The following MACROD2 variants were observed in gnomAD, a reference collection of about 807,000 sequenced individuals.
MACROD2 encodes mono-ADP ribosylhydrolase 2.
In MACROD2, 36 loss-of-function variants were observed where a neutral mutation model predicts 70.4. That is an observed-to-expected ratio of 0.51 (90% CI 0.39 to 0.68). The LOEUF (loss-of-function observed/expected upper bound fraction) is 0.68. MACROD2 is among the 30% of genes least tolerant of loss of function. MACROD2 has a pLI of 0.00. For missense variants in MACROD2, 496 were observed against 538.4 expected (o/e 0.92, Z 0.78); for synonymous variants, 172 against 178.8 (o/e 0.96, Z 0.30).
At chr20:14,933,977 T>C (rs975119363) in intron 5 of MACROD2, 4 of 152,160 alleles carry the variant, frequency 2.6e-5, no homozygotes, top group Non-Finnish European at 5.9e-5. Context: ...TTTTTTACTT[T>C]ACAGTTAAGA....
At chr20:14,852,099 A>C (rs1299032056) in intron 5 of MACROD2, among the ~76,000 whole-genome samples, 1 of 152,152 alleles carries the variant, frequency 6.6e-6, no homozygotes, top group Non-Finnish European at 1.5e-5. Flanking sequence ...AGAGCATCTG[A>C]AAGTGAGCCC....
chr20:15,449,119 G>A (rs1438569945), intron 7 of MACROD2, among the ~76,000 whole-genome samples: 8 of 152,080 alleles, frequency 5.3e-5, no homozygotes, highest in Admixed American at 5.2e-4. Context: ...AGAAAACTGG[G>A]GACCATGTGG....
At chr20:14,769,198 T>C (rs2072132660) in intron 5 of MACROD2, among the ~76,000 whole-genome samples, 1 of 152,118 alleles carries the variant, frequency 6.6e-6, no homozygotes, top group Non-Finnish European at 1.5e-5. Context: ...TCATCCTTCA[T>C]GTAACATTAA....
At chr20:15,245,235 T>C (rs148079370) in intron 6 of MACROD2, among the ~76,000 whole-genome samples, 1 of 152,374 alleles carries the variant, frequency 6.6e-6, no homozygotes, top group Non-Finnish European at 1.5e-5. Context: ...AGGTTAATGG[T>C]TGATTTCTTT....
chr20:14,136,342 G>A (rs1601264012), intron 3 of MACROD2, among the ~76,000 whole-genome samples: 2 of 152,108 alleles, frequency 1.3e-5, no homozygotes, highest in Admixed American at 6.5e-5. Flanking sequence ...AGTGGTTCAC[G>A]CCTGTAATCC....
intron 5 of MACROD2, among the ~76,000 whole-genome samples, chr20:14,970,111 T>C (rs1033397839): frequency 5.3e-5 from 8 of 152,108 alleles, no homozygotes; most frequent in Non-Finnish European, 1.2e-4. Context: ...CTCAGGAAAC[T>C]TACAATCATA....
chr20:15,188,823 A>G (rs1431252680), intron 5 of MACROD2, among the ~76,000 whole-genome samples: 1 of 152,180 alleles, frequency 6.6e-6, no homozygotes, highest in Non-Finnish European at 1.5e-5. Context: ...CCCCTAAAAT[A>G]GTAAGAACTT....
At chr20:14,676,324 C>T (rs1189633402) in intron 4 of MACROD2, among the ~76,000 whole-genome samples, 1 of 152,150 alleles carries the variant, frequency 6.6e-6, no homozygotes, top group Non-Finnish European at 1.5e-5. Flanking sequence ...AAGTAAAATA[C>T]TCCTCAGCAA....
chr20:15,577,338 G>A (rs1363789665), intron 8 of MACROD2, among the ~76,000 whole-genome samples: 5 of 151,826 alleles, frequency 3.3e-5, no homozygotes, highest in Admixed American at 2.6e-4. Flanking sequence ...CCCACCCTGC[G>A]CTGAGTATTT....
intron 6 of MACROD2, among the ~76,000 whole-genome samples, chr20:15,344,902 A>G (rs1160730716): frequency 2.0e-5 from 3 of 152,192 alleles, no homozygotes; most frequent in Non-Finnish European, 4.4e-5. Context: ...TGCTGTAACA[A>G]ACTACCATGA....
intron 8 of MACROD2, among the ~76,000 whole-genome samples, chr20:15,654,215 G>A (rs2049691831): frequency 6.6e-6 from 1 of 152,188 alleles, no homozygotes; most frequent in South Asian, 2.1e-4. Flanking sequence ...AACCTGAAAA[G>A]TCAAGAGCAT....
intron 8 of MACROD2, among the ~76,000 whole-genome samples, chr20:15,802,916 G>A (rs1458295909): frequency 6.6e-6 from 1 of 152,082 alleles, no homozygotes; most frequent in Non-Finnish European, 1.5e-5. Flanking sequence ...GGAAAACCCA[G>A]AGGAAATGGA....
chr20:15,519,509 T>C (rs1016581512), intron 8 of MACROD2, among the ~76,000 whole-genome samples: 2 of 152,214 alleles, frequency 1.3e-5, no homozygotes, highest in African/African-American at 2.4e-5. Context: ...AGTGTGAGAA[T>C]TTCTGTAAAA....
At chr20:15,806,596 T>G (rs560487954) in intron 8 of MACROD2, among the ~76,000 whole-genome samples, 3 of 152,138 alleles carry the variant, frequency 2.0e-5, no homozygotes, top group Non-Finnish European at 4.4e-5. Flanking sequence ...GACCTTATGT[T>G]TTTTTTTCAA....
intron 13 of MACROD2, among the ~76,000 whole-genome samples, chr20:15,981,189 G>T (rs529580977): frequency 6.6e-6 from 1 of 152,268 alleles, no homozygotes; most frequent in East Asian, 1.9e-4. Context: ...TACATATCCA[G>T]TATAACCTGG....
chr20:15,756,121 G>C (rs2051343746), intron 8 of MACROD2, among the ~76,000 whole-genome samples: 2 of 152,090 alleles, frequency 1.3e-5, no homozygotes, highest in Non-Finnish European at 2.9e-5. Flanking sequence ...TTGTGTTGCT[G>C]TTCCTTGGTA....
chr20:14,717,035 A>G (rs1321762043), intron 5 of MACROD2, among the ~76,000 whole-genome samples: 1 of 152,170 alleles, frequency 6.6e-6, no homozygotes, highest in Non-Finnish European at 1.5e-5. Context: ...AAAACAAAAA[A>G]AAATTTGGGG....
chr20:14,081,112 T>A (rs577833445), intron 2 of MACROD2, among the ~76,000 whole-genome samples: 2 of 152,120 alleles, frequency 1.3e-5, no homozygotes, highest in Non-Finnish European at 2.9e-5. Context: ...TAAGAGAAAA[T>A]CTCTTACCCT....
chr20:14,763,203 A>G (rs1188585726), intron 5 of MACROD2, among the ~76,000 whole-genome samples: 2 of 135,306 alleles, frequency 1.5e-5, no homozygotes, highest in East Asian at 3.9e-4. Flanking sequence ...CTTCTAAATA[A>G]AAAGTTACCA....
Sources: gnomAD v4.1 joint callset for allele counts (sites outside exome capture counted in the v4.1 genomes callset) on GRCh38, gnomAD v4.1.1 for gene constraint, MANE v1.5 for transcripts, NCBI Gene and HGNC (gene_info 2026-07-23, HGNC 2026-07-21) for gene names.